The following FSTL4 variants were observed in gnomAD, a reference collection of about 807,000 sequenced individuals.
The protein encoded by FSTL4 is follistatin like 4, also known as follistatin-related protein 4.
FSTL4 carries 28 observed loss-of-function variants against 78.2 expected under a neutral mutation model. The ratio of observed to expected loss-of-function variants is 0.36; its 90% CI spans 0.27 to 0.49. FSTL4 has a LOEUF of 0.49. Among genes scored for constraint, FSTL4 ranks in the 20% least tolerant of loss-of-function variants. FSTL4 has a pLI of 0.98. For missense variants in FSTL4, 922 were observed against 1,084.9 expected (o/e 0.85, Z 2.11); for synonymous variants, 422 against 440.5 (o/e 0.96, Z 0.53).
the FSTL4 span, among the ~76,000 whole-genome samples, chr5:133,737,602 C>CTTTTTTT: frequency 8.5e-6 from 1 of 117,626 alleles, no homozygotes. Flanking sequence ...GGCTGATTTC[C>CTTTTTTT]TTTTTTTTTT....
At chr5:133,590,087 T>C (rs1561479069) in intron 2 of FSTL4, among the ~76,000 whole-genome samples, 1 of 144,774 alleles carries the variant, frequency 6.9e-6, no homozygotes, top group African/African-American at 2.5e-5. Flanking sequence ...CTATTGGGAA[T>C]CTCCTCTTTA....
At chr5:133,820,123 G>T in the FSTL4 span, among the ~76,000 whole-genome samples, 1 of 152,178 alleles carries the variant, frequency 6.6e-6, no homozygotes, top group African/African-American at 2.4e-5. Flanking sequence ...GGTTGCAGTC[G>T]CAGAGGCCTG....
intron 3 of FSTL4, among the ~76,000 whole-genome samples, chr5:133,427,436 A>G (rs914788673): frequency 2.0e-5 from 3 of 152,200 alleles, no homozygotes; most frequent in Non-Finnish European, 4.4e-5. Flanking sequence ...TTGCAGGGCT[A>G]CTGCCTTCTC....
At chr5:133,742,665 T>C in the FSTL4 span, among the ~76,000 whole-genome samples, 1 of 152,150 alleles carries the variant, frequency 6.6e-6, no homozygotes, top group African/African-American at 2.4e-5. Context: ...AAGGACACCG[T>C]GGCAAAACCA....
At chr5:133,841,697 C>T in the FSTL4 span, among the ~76,000 whole-genome samples, 1 of 152,192 alleles carries the variant, frequency 6.6e-6, no homozygotes, top group African/African-American at 2.4e-5. Context: ...AGCACAGGGC[C>T]AGCAGGGAAG....
chr5:133,721,948 T>C, the FSTL4 span, among the ~76,000 whole-genome samples: 1 of 152,216 alleles, frequency 6.6e-6, no homozygotes, highest in Non-Finnish European at 1.5e-5. Flanking sequence ...ATAAGTCCCA[T>C]AGACTGTCTT....
At chr5:133,553,288 C>A (rs1759725416) in intron 3 of FSTL4, among the ~76,000 whole-genome samples, 1 of 152,194 alleles carries the variant, frequency 6.6e-6, no homozygotes. Flanking sequence ...TTCCATTTCC[C>A]TCTGTCCTCC....
chr5:133,542,989 T>C (rs1380763994), intron 3 of FSTL4, among the ~76,000 whole-genome samples: 1 of 152,050 alleles, frequency 6.6e-6, no homozygotes, highest in African/African-American at 2.4e-5. Context: ...CCTTCAACTT[T>C]ATTTGGGTTT....
At chr5:133,371,361 G>C (rs1373669165) in intron 4 of FSTL4, among the ~76,000 whole-genome samples, 1 of 152,220 alleles carries the variant, frequency 6.6e-6, no homozygotes, top group Non-Finnish European at 1.5e-5. Context: ...CTACTCTTGA[G>C]GGTTTATCCC....
At chr5:133,318,055 C>A (rs988968423) in intron 4 of FSTL4, among the ~76,000 whole-genome samples, 1 of 152,182 alleles carries the variant, frequency 6.6e-6, no homozygotes, top group African/African-American at 2.4e-5. Flanking sequence ...AGATTTTCTT[C>A]CAATTTGGGG....
intron 3 of FSTL4, among the ~76,000 whole-genome samples, chr5:133,447,739 C>T (rs754266906): frequency 3.9e-5 from 6 of 152,184 alleles, no homozygotes; most frequent in Non-Finnish European, 5.9e-5. Context: ...AGGGTTTCGC[C>T]ATGTTGGCCA....
At chr5:133,572,384 C>T (rs896795311) in intron 2 of FSTL4, among the ~76,000 whole-genome samples, 1 of 151,606 alleles carries the variant, frequency 6.6e-6, no homozygotes, top group African/African-American at 2.4e-5. Flanking sequence ...AAGCATAGTA[C>T]CCACCATCTT....
At chr5:133,649,634 T>A in the FSTL4 span, among the ~76,000 whole-genome samples, 1 of 152,222 alleles carries the variant, frequency 6.6e-6, no homozygotes, top group Non-Finnish European at 1.5e-5. Context: ...TTTCATTTGC[T>A]TATTGCTATC....
the FSTL4 span, among the ~76,000 whole-genome samples, chr5:133,744,864 G>A: frequency 3.9e-5 from 6 of 152,168 alleles, no homozygotes; most frequent in Non-Finnish European, 7.3e-5. Context: ...CTCAGCAAGT[G>A]TTTGCTGGAT....
chr5:133,813,138 G>A, the FSTL4 span, among the ~76,000 whole-genome samples: 1 of 150,546 alleles, frequency 6.6e-6, no homozygotes, highest in African/African-American at 2.5e-5. Flanking sequence ...GTCCAATGGA[G>A]GAGAGTCCAC....
At chr5:133,202,671 C>T (rs1364403739) in intron 14 of FSTL4, 1 of 152,304 alleles carries the variant, frequency 6.6e-6, no homozygotes, top group Non-Finnish European at 1.5e-5. Flanking sequence ...GCCACTCTGA[C>T]ATGCTGGGCT....
intron 3 of FSTL4, among the ~76,000 whole-genome samples, chr5:133,419,295 T>C (rs1037240695): frequency 6.6e-6 from 1 of 152,166 alleles, no homozygotes; most frequent in African/African-American, 2.4e-5. Context: ...AATTTTTGTA[T>C]TTTTAGTAGA....
chr5:133,281,572 C>T (rs996495284), intron 6 of FSTL4, among the ~76,000 whole-genome samples: 4 of 152,000 alleles, frequency 2.6e-5, no homozygotes, highest in Non-Finnish European at 5.9e-5. Flanking sequence ...CAGTCCTGGG[C>T]CAGGACTCTT....
intron 3 of FSTL4, among the ~76,000 whole-genome samples, chr5:133,500,075 A>G (rs1241239426): frequency 1.3e-5 from 2 of 152,164 alleles, no homozygotes; most frequent in African/African-American, 4.8e-5. Context: ...CTGCTACAGG[A>G]GTAGAGCAGG....
Sources: allele counts gnomAD v4.1 joint callset (sites outside exome capture counted in the v4.1 genomes callset), GRCh38; gene constraint gnomAD v4.1.1; transcripts MANE v1.5; gene names NCBI Gene and HGNC (gene_info 2026-07-23, HGNC 2026-07-21).